The following GPCPD1 variants were observed in gnomAD, a reference collection of about 807,000 sequenced individuals.
GPCPD1 encodes glycerophosphocholine phosphodiesterase 1, also known as glycerophosphocholine phosphodiesterase GPCPD1.
Under a neutral mutation model 89.2 loss-of-function variants are expected in GPCPD1, and 29 were observed. The observed-to-expected ratio is 0.33, with a 90% CI of 0.24 to 0.44. The LOEUF is 0.44. GPCPD1 is among the 20% of genes least tolerant of loss of function. The probability of loss-of-function intolerance (pLI) is 1.00; values close to 1 mark genes in which losing one functional copy is unlikely to be tolerated. For missense variants in GPCPD1, 594 were observed against 808.9 expected (o/e 0.73, Z 3.22); for synonymous variants, 258 against 266.3 (o/e 0.97, Z 0.30).
At chr20:5,564,762 G>A (rs1055326398) in intron 15 of GPCPD1, among the ~76,000 whole-genome samples, 4 of 152,064 alleles carry the variant, frequency 2.6e-5, no homozygotes, top group Admixed American at 2.0e-4. Flanking sequence ...GATCGCTTGA[G>A]CCAAGGAAGT....
chr20:5,558,853 TG>T, intron 17 of GPCPD1, 34 bp from the exon 18 acceptor site: 10 of 1,487,950 alleles, frequency 6.7e-6, no homozygotes, highest in East Asian at 2.4e-5. Flanking sequence ...TACCTTTCAA[TG>T]GGGGGTAACT....
chr20:5,558,612 T>C, intron 18 of GPCPD1, 72 bp downstream of exon 18: 3 of 878,660 alleles, frequency 3.4e-6, no homozygotes, highest in East Asian at 2.8e-5. Flanking sequence ...GGTAAAGTAA[T>C]ATGAAATCTT....
intron 14 of GPCPD1, 27 bp from the exon 15 acceptor site, chr20:5,565,105 G>A (rs1274810231): frequency 3.2e-6 from 4 of 1,231,122 alleles, no homozygotes; most frequent in East Asian, 2.3e-5. Context: ...CAAAATCTCA[G>A]TAAATAAAAT....
intron 4 of GPCPD1, among the ~76,000 whole-genome samples, chr20:5,588,426 C>A (rs1312568852): frequency 6.6e-6 from 1 of 151,902 alleles, no homozygotes; most frequent in Non-Finnish European, 1.5e-5. Flanking sequence ...AATTGCTTGA[C>A]CGTGGGAGGC....
chr20:5,550,810 T>A (rs978061686), intron 19 of GPCPD1, among the ~76,000 whole-genome samples: 1 of 152,138 alleles, frequency 6.6e-6, no homozygotes. Flanking sequence ...ATAAAACTCA[T>A]TGAACCAAGA....
Position 5,573,918 on chromosome 20 carries a change from A to T in GPCPD1, c.1053T>A (p.Ser351Arg). The part of the protein sequence containing the change: ...NTIASLRNAA[S>R]HGAAFVEFDV... Reference sequence around the variant, plus strand: ...AAGTTGTTTAAAGGTTACTTACATGACTAGCAGCATTTCTTAAAGAAGCAA... The same window carrying T: ...AAGTTGTTTAAAGGTTACTTACATGTCTAGCAGCATTTCTTAAAGAAGCAA... The change falls in exon 11 of 20, where the codon AGT (serine) becomes AGA (arginine). Residue 351 changes from serine to arginine, a missense_variant. Coordinates refer to ENST00000379019, the MANE Select transcript of GPCPD1 (RefSeq NM_019593.5). 6.7e-7 allele frequency: 1 copy of T among 1,495,390 alleles called. No homozygotes were observed. The highest frequency in any genetic ancestry group is 2.3e-5 in the East Asian group (1 of 44,336). 92.6% of individuals were successfully genotyped at this position (1,495,390 alleles called of 1,614,324 possible). A position where few individuals can be genotyped will look rare whatever the true frequency, so the allele number is the denominator to read the frequency against.
Position 5,552,416 on chromosome 20 carries a change from T to C in GPCPD1, c.1830-4566A>G, listed in dbSNP as rs114858285. ...GAAGAACTTTCTTGAGCACCTGTTA[T>C]ATCATGTATCTTCCTGTTCTCCATT... On this transcript the variant is annotated intron_variant, in intron 19 of 19. Transcript: ENST00000379019. Among the ~76,000 whole-genome samples the C allele has an allele frequency of 7.5e-3, 1,139 of 152,342 alleles. 14 individuals carry two copies. Among genetic ancestry groups the C allele is most frequent in the African/African-American group, 0.025 (1,053 of 41,558 alleles).
At position 5,550,191 on chromosome 20, in the gene GPCPD1, CAAAAA is replaced by C. The variant is rs371826184; in HGVS notation, c.1830-2346_1830-2342del. ...CCTGGATGATAGAGTGAGACTATCTCAAAAAAAAAACAAACAAAGCAAACAAACAA... is the reference window on the plus strand; with the variant it reads ...CCTGGATGATAGAGTGAGACTATCTCAAAAACAAACAAAGCAAACAAACAA... On this transcript the variant is annotated intron_variant, in intron 19 of 19. Transcript: ENST00000379019. 1.5e-3 allele frequency among the ~76,000 whole-genome samples: 152 copies of C among 102,814 alleles called. 3 individuals carry two copies. The highest frequency in any genetic ancestry group is 5.2e-3 in the African/African-American group (146 of 28,124). 67.4% of individuals were successfully genotyped at this position (102,814 alleles called of 152,430 possible).
At position 5,544,802 on chromosome 20, in the gene GPCPD1, G is replaced by A. The variant is rs926718719; in HGVS notation, c.*2859C>T. ...AGCTGAGATGAGCTTTAGGGAGGAG[G>A]CTGCACCTGAGCGGGACACTGAAGG... On this transcript the variant is annotated 3_prime_UTR_variant, in exon 20 of 20. Transcript: ENST00000379019. 2 of 152,310 alleles carry A rather than the reference G, an allele frequency of 1.3e-5. No individual in the cohort carries two copies. The highest frequency in any genetic ancestry group is 2.4e-5 in the African/African-American group (1 of 41,440). The allele number at this position is 152,310 out of a possible 1,614,324, so 9.4% of individuals were successfully genotyped here. A position where few individuals can be genotyped will look rare whatever the true frequency, so the allele number is the denominator to read the frequency against.
rs778779358 is a variant in GPCPD1 at position 5,557,918 on chromosome 20, T to C, written c.1829+27A>G. 1.3e-4 allele frequency: 175 copies of C among 1,309,090 alleles called. 3 individuals carry two copies. The South Asian group carries it at 2.2e-3, about 17-fold the overall frequency. The allele number at this position is 1,309,090 out of a possible 1,614,324, so 81.1% of individuals were successfully genotyped here. ...ATGAAATCTATACTTCTAAATTCCA[T>C]GAAAATTTTTCATGAAAAACAAATA... On this transcript the variant is annotated intron_variant, in intron 19 of 19. Transcript: ENST00000379019.
chr20:5,549,199 G>C, intron 19 of GPCPD1: 1 of 680,366 alleles, frequency 1.5e-6, no homozygotes, highest in Non-Finnish European at 2.7e-6. Context: ...CAGAGATGAA[G>C]GGACCTCAAT....
At position 5,545,825 on chromosome 20, in the gene GPCPD1, C is replaced by A. The variant is rs1458125379; in HGVS notation, c.*1836G>T. Reference sequence around the variant, plus strand: ...AACTAAACTGCTCAGAAGCCACACTCCCCATGACCTCCTTCCTTCATCCTT... The same window carrying A: ...AACTAAACTGCTCAGAAGCCACACTACCCATGACCTCCTTCCTTCATCCTT... On this transcript the variant is annotated 3_prime_UTR_variant, in exon 20 of 20. Coordinates refer to ENST00000379019, the MANE Select transcript of GPCPD1 (RefSeq NM_019593.5). The A allele has an allele frequency of 6.6e-6, 1 of 152,360 alleles. No individual in the cohort carries two copies. The highest frequency in any genetic ancestry group is 2.4e-5 in the African/African-American group (1 of 41,452). The allele number at this position is 152,360 out of a possible 1,614,324, so 9.4% of individuals were successfully genotyped here. A position where few individuals can be genotyped will look rare whatever the true frequency, so the allele number is the denominator to read the frequency against.
intron 1 of GPCPD1, among the ~76,000 whole-genome samples, chr20:5,605,402 A>C (rs984999133): frequency 1.3e-5 from 2 of 152,216 alleles, no homozygotes; most frequent in Admixed American, 6.5e-5. Context: ...AGTATCACCC[A>C]CTAAAACAAA....
chr20:5,578,534 T>C lies in GPCPD1; in HGVS notation c.551A>G (p.Asn184Ser), dbSNP rs747348999. ...VSPTVLHKMSNSLEISLISDN... is the reference protein window; with the variant it reads ...VSPTVLHKMSSSLEISLISDN... The stretch of plus-strand genomic sequence containing the variant: ...GCTTATTAAGGATATCTCCAAGCTA[T>C]TGGACATTTTGTGGAGTACAGTGGG... Residue 184 changes from asparagine (N) to serine (S), a missense_variant, in exon 8 of 20, where the codon AAT (asparagine) becomes AGT (serine). By Grantham distance (46) the Asn-to-Ser change is conservative. Transcript: ENST00000379019. The C allele has an allele frequency of 4.3e-6, 7 of 1,613,762 alleles. No individual in the cohort carries two copies. In the South Asian group the frequency reaches 5.5e-5, roughly 13 times the overall value.
rs570350944 is a variant in GPCPD1 at position 5,602,142 on chromosome 20, G to T, written c.49+2222C>A. Among the ~76,000 whole-genome samples the T allele has an allele frequency of 1.5e-3, 226 of 152,344 alleles. 3 individuals carry two copies. Among genetic ancestry groups the T allele is most frequent in the African/African-American group, 5.1e-3 (211 of 41,582 alleles). ...CAGTGAGGAAATCAAGGTGATGGGG[G>T]AATTGAGGTGGGGTCTCCCCCAGTA... On this transcript the variant is annotated intron_variant, in intron 2 of 19. Coordinates refer to ENST00000379019, the MANE Select transcript of GPCPD1 (RefSeq NM_019593.5).
intron 6 of GPCPD1, among the ~76,000 whole-genome samples, chr20:5,581,303 T>A (rs138569721): frequency 2.0e-5 from 3 of 152,162 alleles, no homozygotes; most frequent in African/African-American, 7.2e-5. Context: ...GGGGGAAAAA[T>A]TAAATGAATA....
chr20:5,582,933 T>G lies in GPCPD1; in HGVS notation c.349+1348A>C, dbSNP rs554045844. Among the ~76,000 whole-genome samples the G allele has an allele frequency of 3.7e-4, 55 of 149,778 alleles. 2 individuals carry two copies. The South Asian group carries it at 0.011, about 30-fold the overall frequency. On this transcript the variant is annotated intron_variant, in intron 6 of 19. Transcript: ENST00000379019. ...AGAATGCAGTTTAGTATAATAGCCC[T>G]GATACACTGTAAGAATTCCAGCCAG...
At chr20:5,554,551 T>C (rs1378458685) in intron 19 of GPCPD1, among the ~76,000 whole-genome samples, 1 of 152,184 alleles carries the variant, frequency 6.6e-6, no homozygotes, top group Non-Finnish European at 1.5e-5. Flanking sequence ...TGACAACACA[T>C]CTGTACACAG....
At chr20:5,583,092 G>A (rs1223659534) in intron 6 of GPCPD1, among the ~76,000 whole-genome samples, 2 of 151,400 alleles carry the variant, frequency 1.3e-5, no homozygotes, top group East Asian at 3.9e-4. Flanking sequence ...AAATTAGCTG[G>A]GCATGCCTGT....
Sources: gnomAD v4.1 joint callset for allele counts (sites outside exome capture counted in the v4.1 genomes callset) on GRCh38, gnomAD v4.1.1 for gene constraint, MANE v1.5 for transcripts, NCBI Gene and HGNC (gene_info 2026-07-23, HGNC 2026-07-21) for gene names.